Variants in KATNAL1 observed in about 807,000 individuals in gnomAD.
KATNAL1 encodes the protein katanin catalytic subunit A1 like 1.
KATNAL1 carries 32 observed loss-of-function variants against 55.2 expected under a neutral mutation model. The ratio of observed to expected loss-of-function variants is 0.58; its 90% CI spans 0.44 to 0.78. KATNAL1 has a LOEUF of 0.78. Among genes scored for constraint, KATNAL1 ranks in the 30% least tolerant of loss-of-function variants. The probability of loss-of-function intolerance (pLI) is 0.00; values close to 1 mark genes in which losing one functional copy is unlikely to be tolerated. For missense variants in KATNAL1, 466 were observed against 600.9 expected (o/e 0.78, Z 2.35); for synonymous variants, 193 against 193.6 (o/e 1.00, Z 0.02).
Position 30,203,195 on chromosome 13 carries a change from C to G in KATNAL1, c.*5345G>C, listed in dbSNP as rs1314644475. On this transcript the variant is annotated 3_prime_UTR_variant, in exon 11 of 11. Transcript: ENST00000380615. ...AAGTAATTCAGACATTTCACAGAGGCCTTATTTGGAATACAAACACTTTGC... is the reference window on the plus strand; with the variant it reads ...AAGTAATTCAGACATTTCACAGAGGGCTTATTTGGAATACAAACACTTTGC... The G allele has an allele frequency of 6.6e-6, 1 of 151,962 alleles. No individual in the cohort carries two copies. The highest frequency in any genetic ancestry group is 2.4e-5 in the African/African-American group (1 of 41,366). The allele number at this position is 151,962 out of a possible 1,614,324, so 9.4% of individuals were successfully genotyped here.
At chr13:30,274,905 GCGCACACACACA>G (rs1408572802) in intron 3 of KATNAL1, among the ~76,000 whole-genome samples, 30 of 84,346 alleles carry the variant, frequency 3.6e-4, no homozygotes, top group African/African-American at 9.2e-4. Flanking sequence ...GCGCGCGCGC[GCGCACACACACA>G]CACACACACA....
At chr13:30,275,945 C>T (rs1880810703) in intron 3 of KATNAL1, among the ~76,000 whole-genome samples, 2 of 152,056 alleles carry the variant, frequency 1.3e-5, no homozygotes, top group African/African-American at 4.8e-5. Flanking sequence ...ATGTTGAATA[C>T]TGCTGCAATA....
chr13:30,248,865 C>G (rs1217172434), intron 4 of KATNAL1, among the ~76,000 whole-genome samples: 2 of 152,210 alleles, frequency 1.3e-5, no homozygotes, highest in Non-Finnish European at 2.9e-5. Flanking sequence ...CAAGACCATC[C>G]TGGCTAACAC....
chr13:30,214,371 C>T (rs1245585333), intron 9 of KATNAL1, among the ~76,000 whole-genome samples: 2 of 151,992 alleles, frequency 1.3e-5, no homozygotes, highest in Admixed American at 1.3e-4. Flanking sequence ...AGATTTAATG[C>T]CATCCCCATC....
chr13:30,306,802 G>A (rs1177024262), intron 1 of KATNAL1: 1 of 152,334 alleles, frequency 6.6e-6, no homozygotes. Flanking sequence ...GAGGGTCAGA[G>A]GCGCCGAAGA....
intron 4 of KATNAL1, among the ~76,000 whole-genome samples, chr13:30,242,022 G>A (rs1353270794): frequency 1.3e-5 from 2 of 152,108 alleles, no homozygotes; most frequent in Non-Finnish European, 2.9e-5. Context: ...ATTAAAAGGA[G>A]TAAATTTTTG....
At chr13:30,265,737 G>C (rs1405066561) in intron 3 of KATNAL1, among the ~76,000 whole-genome samples, 1 of 149,432 alleles carries the variant, frequency 6.7e-6, no homozygotes, top group Non-Finnish European at 1.5e-5. Flanking sequence ...TTGGCCAGGC[G>C]TGGTGGCTCA....
intron 2 of KATNAL1, among the ~76,000 whole-genome samples, chr13:30,282,673 G>A (rs1295301616): frequency 1.3e-5 from 2 of 150,908 alleles, no homozygotes; most frequent in African/African-American, 4.9e-5. Flanking sequence ...GAAAGAAAGA[G>A]GCCTGGCGTG....
Position 30,241,041 on chromosome 13 carries a change from T to C in KATNAL1, c.538A>G (p.Lys180Glu), listed in dbSNP as rs1412221495. ...TTATCATAACCAGCACCATCAAATT[T>C]TGGCATTTCACCATCACTTGCACCA... ...QDGASDGEMPKFDGAGYDKDL... is the reference protein window; with the variant it reads ...QDGASDGEMPEFDGAGYDKDL... The change falls in exon 5 of 11, where the codon AAA (lysine) becomes GAA (glutamate). Residue 180 changes from lysine (K) to glutamate (E), a missense_variant. By Grantham distance (56) the Lys-to-Glu change is moderately conservative. Coordinates refer to ENST00000380615, the MANE Select transcript of KATNAL1 (RefSeq NM_032116.5). 2 of 1,613,600 alleles carry C rather than the reference T, an allele frequency of 1.2e-6. No homozygotes were observed. Among genetic ancestry groups the C allele is most frequent in the African/African-American group, 1.3e-5 (1 of 74,900 alleles).
chr13:30,270,024 G>A (rs1439677324), intron 3 of KATNAL1, among the ~76,000 whole-genome samples: 6 of 136,216 alleles, frequency 4.4e-5, no homozygotes, highest in Admixed American at 2.8e-4. Flanking sequence ...GGAGGGAGGT[G>A]GGGGTGTCAG....
intron 4 of KATNAL1, among the ~76,000 whole-genome samples, chr13:30,242,105 C>T (rs919435602): frequency 1.3e-5 from 2 of 152,050 alleles, no homozygotes; most frequent in African/African-American, 4.8e-5. Flanking sequence ...TACAGATAGG[C>T]CAAGGCTACC....
chr13:30,301,866 G>C (rs946031462), intron 1 of KATNAL1, among the ~76,000 whole-genome samples: 8 of 152,084 alleles, frequency 5.3e-5, no homozygotes, highest in Admixed American at 5.2e-4. Context: ...TATGAAGTAT[G>C]TATGTATGTA....
intron 3 of KATNAL1, 137 bp from the exon 4 acceptor site, chr13:30,255,752 C>T: frequency 1.4e-6 from 1 of 734,806 alleles, no homozygotes; most frequent in South Asian, 6.0e-5. Context: ...TTGGCCAATT[C>T]ATGGCCACAA....
rs1873221965 is a variant in KATNAL1, at chr13:30,207,064, T to C, written c.*1476A>G. ...TCTCTTTTTTTAAAAAAAACCTTCT[T>C]AGTATCTTGGTTAAATGTCCAAAAA... On this transcript the variant is annotated 3_prime_UTR_variant, in exon 11 of 11. Transcript: ENST00000380615. 6.6e-6 allele frequency: 1 copy of C among 152,196 alleles called. No individual in the cohort carries two copies. Among genetic ancestry groups the C allele is most frequent in the South Asian group, 2.1e-4 (1 of 4,834 alleles). 9.4% of individuals were successfully genotyped at this position (152,196 alleles called of 1,614,324 possible).
At chr13:30,264,517 A>C (rs1226687589) in intron 3 of KATNAL1, among the ~76,000 whole-genome samples, 1 of 151,072 alleles carries the variant, frequency 6.6e-6, no homozygotes, top group Non-Finnish European at 1.5e-5. Context: ...AATGAACTCA[A>C]ATTTACAAGA....
At chr13:30,208,829 G>T in intron 10 of KATNAL1, 91 bp from the exon 11 acceptor site, 2 of 909,150 alleles carry the variant, frequency 2.2e-6, no homozygotes, top group Non-Finnish European at 1.6e-6. Context: ...AAAATCAAAA[G>T]ATTATTTTAT....
chr13:30,304,445 T>G (rs1280953614), intron 1 of KATNAL1, among the ~76,000 whole-genome samples: 1 of 151,918 alleles, frequency 6.6e-6, no homozygotes, highest in East Asian at 1.9e-4. Context: ...AATTTTTATA[T>G]TTTTAGGAGA....
intron 8 of KATNAL1, 64 bp downstream of exon 8, chr13:30,230,404 A>G (rs2137394959): frequency 6.8e-7 from 1 of 1,475,136 alleles, no homozygotes; most frequent in East Asian, 2.3e-5. Flanking sequence ...CCATCCATTG[A>G]TTATGAGTTT....
At position 30,240,367 on chromosome 13, in the gene KATNAL1, T is replaced by C. The variant is rs1022817861; in HGVS notation, c.726+93A>G. On this transcript the variant is annotated intron_variant, in intron 6 of 10. Coordinates refer to ENST00000380615, the MANE Select transcript of KATNAL1 (RefSeq NM_032116.5). The stretch of plus-strand genomic sequence containing the variant: ...TAAACTTCTCCCAACCTTTTCAAAA[T>C]GGGTTAAATACATCAAAAACTACAG... The C allele has an allele frequency of 5.9e-6, 5 of 843,950 alleles. No individual in the cohort carries two copies. In the African/African-American group the frequency reaches 8.6e-5, roughly 14 times the overall value. 52.3% of individuals were successfully genotyped at this position (843,950 alleles called of 1,614,324 possible).
Sources: gnomAD v4.1 joint callset for allele counts (sites outside exome capture counted in the v4.1 genomes callset) on GRCh38, gnomAD v4.1.1 for gene constraint, MANE v1.5 for transcripts, NCBI Gene and HGNC (gene_info 2026-07-23, HGNC 2026-07-21) for gene names.